Variants in SLC9A7 observed in about 807,000 individuals in gnomAD.
SLC9A7 encodes solute carrier family 9 member A7.
Under a neutral mutation model 52.6 loss-of-function variants are expected in SLC9A7, and 19 were observed. That is an observed-to-expected ratio of 0.36 (90% CI 0.25 to 0.53). SLC9A7 has a LOEUF of 0.53. Among genes scored for constraint, SLC9A7 ranks in the 20% least tolerant of loss-of-function variants. The pLI, the probability that SLC9A7 is intolerant of heterozygous loss-of-function variation, is 0.91. For missense variants in SLC9A7, 455 were observed against 597.9 expected (o/e 0.76, Z 2.49); for synonymous variants, 226 against 252.1 (o/e 0.90, Z 0.98).
chrX:46,688,128 C>A (rs192750436), intron 1 of SLC9A7, among the ~76,000 whole-genome samples: 73 of 111,975 alleles, frequency 6.5e-4, no homozygotes, highest in African/African-American at 2.2e-3. Flanking sequence ...ATGTGAATAA[C>A]GCTGCTATGA....
intron 1 of SLC9A7, among the ~76,000 whole-genome samples, chrX:46,686,266 A>G (rs758775037): frequency 8.9e-6 from 1 of 112,048 alleles, no homozygotes; most frequent in Non-Finnish European, 1.9e-5. Context: ...ACAAAACACC[A>G]CAGCAGAGAT....
chrX:46,618,729 A>G (rs937572579), intron 15 of SLC9A7, among the ~76,000 whole-genome samples: 1 of 112,188 alleles, frequency 8.9e-6, no homozygotes, highest in Non-Finnish European at 1.9e-5. Context: ...GGATAACTTG[A>G]GGCCAGGAGT....
intron 1 of SLC9A7, among the ~76,000 whole-genome samples, chrX:46,726,511 T>C (rs908349824): frequency 2.7e-5 from 3 of 110,012 alleles, no homozygotes; most frequent in African/African-American, 9.9e-5. Context: ...CTCCCTATTC[T>C]CACCTTGTCA....
chrX:46,639,280 CTCT>C (rs1569506479), intron 12 of SLC9A7, among the ~76,000 whole-genome samples: 1 of 105,136 alleles, frequency 9.5e-6, no homozygotes, highest in Admixed American at 1.0e-4. Flanking sequence ...GAATGCTTTC[CTCT>C]TTTTTTTTTT....
intron 16 of SLC9A7, among the ~76,000 whole-genome samples, chrX:46,607,985 G>A (rs921500022): frequency 8.9e-6 from 1 of 112,327 alleles, no homozygotes. Context: ...TGTCAAATAC[G>A]CTGGGTAAAC....
intron 14 of SLC9A7, among the ~76,000 whole-genome samples, chrX:46,622,659 G>T (rs1943064698): frequency 9.0e-6 from 1 of 111,307 alleles, no homozygotes; most frequent in African/African-American, 3.3e-5. Context: ...AAACCACAAA[G>T]CATTTATTAT....
intron 1 of SLC9A7, among the ~76,000 whole-genome samples, chrX:46,695,966 T>C (rs1052992942): frequency 9.9e-6 from 1 of 100,925 alleles, no homozygotes; most frequent in East Asian, 3.2e-4. Flanking sequence ...TCTCCAACTT[T>C]ATATTTTTAC....
At chrX:46,682,971 T>TC in intron 1 of SLC9A7, among the ~76,000 whole-genome samples, 1 of 93,856 alleles carries the variant, frequency 1.1e-5, no homozygotes, top group Non-Finnish European at 2.1e-5. Context: ...TTTTTTTTTT[T>TC]TTTTTTTTTT....
intron 4 of SLC9A7, 129 bp from the exon 5 acceptor site, chrX:46,669,848 C>CACTTACCAG: frequency 2.9e-6 from 1 of 345,255 alleles, no homozygotes. Context: ...CATGGTTTCA[C>CACTTACCAG]ACTTACCAGA....
At chrX:46,720,050 T>C (rs1048842244) in intron 1 of SLC9A7, among the ~76,000 whole-genome samples, 1 of 111,683 alleles carries the variant, frequency 9.0e-6, no homozygotes, top group Non-Finnish European at 1.9e-5. Flanking sequence ...ACAACAAACA[T>C]GATTAAGGTC....
intron 4 of SLC9A7, among the ~76,000 whole-genome samples, chrX:46,671,512 G>A (rs1158311874): frequency 9.1e-6 from 1 of 109,608 alleles, no homozygotes; most frequent in Non-Finnish European, 1.9e-5. Context: ...CTTGTGATCT[G>A]CCCGCCTCGG....
intron 15 of SLC9A7, among the ~76,000 whole-genome samples, chrX:46,616,913 C>T (rs1188746786): frequency 2.7e-5 from 3 of 111,625 alleles, no homozygotes; most frequent in Non-Finnish European, 5.6e-5. Flanking sequence ...TGCCCCCGAA[C>T]GTGTCCATTC....
At chrX:46,718,738 C>T (rs1330310851) in intron 1 of SLC9A7, among the ~76,000 whole-genome samples, 1 of 112,000 alleles carries the variant, frequency 8.9e-6, no homozygotes, top group Non-Finnish European at 1.9e-5. Context: ...AAATCAAAAC[C>T]ACAATGAGAT....
intron 1 of SLC9A7, among the ~76,000 whole-genome samples, chrX:46,723,714 A>T (rs1406511144): frequency 8.9e-6 from 1 of 112,139 alleles, no homozygotes; most frequent in Non-Finnish European, 1.9e-5. Flanking sequence ...CACCATAAGG[A>T]ATCCATGCTT....
chrX:46,627,782 G>C lies in SLC9A7; in HGVS notation c.1740+3804C>G, dbSNP rs1397366068. Among the ~76,000 whole-genome samples, 96 of 109,011 alleles carry C rather than the reference G, an allele frequency of 8.8e-4. 1 individual carries two copies. Among genetic ancestry groups the C allele is most frequent in the Admixed American group, 5.9e-4 (6 of 10,194 alleles). The allele number at this position is 109,011 out of a possible 115,157, so 94.7% of individuals were successfully genotyped here. A position where few individuals can be genotyped will look rare whatever the true frequency, so the allele number is the denominator to read the frequency against. On this transcript the variant is annotated intron_variant, in intron 14 of 16. Transcript: ENST00000616978. ...AGCACAAAAAAATGGGCGGGTTGGG[G>C]GGGGGGCGGTGGTCACAGAGTAGCA...
At position 46,613,290 on chromosome X, in the gene SLC9A7, T is replaced by C; in HGVS notation, c.1928A>G (p.Asp643Gly). The C allele has an allele frequency of 2.5e-6, 3 of 1,192,381 alleles. No homozygotes were observed. The highest frequency in any genetic ancestry group is 1.1e-6 in the Non-Finnish European group (1 of 883,001). ...CCAACCCTGATGTGCAGTACTTACA[T>C]CGTACACCTGGGGACTGGTCAGACA... Reference protein sequence around the residue: ...ARCLTSPQVYDNQEPLREEDS... With the variant: ...ARCLTSPQVYGNQEPLREEDS... Residue 643 changes from aspartate (D) to glycine (G), a missense_variant and splice_region_variant, in exon 16 of 17, where the codon GAT becomes GGT. Around this residue, in one of 3 missense-constraint regions of SLC9A7, gnomAD observed 146 missense variants for 160.5 expected, o/e 0.91. Coordinates refer to ENST00000616978, the MANE Select transcript of SLC9A7 (RefSeq NM_001257291.2).
intron 8 of SLC9A7, among the ~76,000 whole-genome samples, chrX:46,652,005 C>T (rs1017392458): frequency 9.1e-6 from 1 of 110,153 alleles, no homozygotes; most frequent in Admixed American, 9.7e-5. Context: ...CTCCTGCCTC[C>T]TCTAAACTCC....
chrX:46,658,487 A>G (rs1248823502), intron 7 of SLC9A7, among the ~76,000 whole-genome samples: 1 of 111,049 alleles, frequency 9.0e-6, no homozygotes, highest in African/African-American at 3.3e-5. Context: ...AAGACTAATA[A>G]AGAAAAAAAG....
chrX:46,702,413 A>T (rs1944544747), intron 1 of SLC9A7, among the ~76,000 whole-genome samples: 1 of 111,851 alleles, frequency 8.9e-6, no homozygotes, highest in African/African-American at 3.3e-5. Flanking sequence ...AGTACCCAAC[A>T]GGTAATTTTT....
Sources: allele counts gnomAD v4.1 joint callset (sites outside exome capture counted in the v4.1 genomes callset), GRCh38; gene constraint gnomAD v4.1.1; regional missense constraint gnomAD v4.1.1; transcripts MANE v1.5; gene names NCBI Gene and HGNC (gene_info 2026-07-23, HGNC 2026-07-21).